TRIM67: variants seen among roughly 807,000 people sequenced by gnomAD.
TRIM67 encodes the protein tripartite motif containing 67, also known as tripartite motif-containing protein 67.
TRIM67 carries 39 observed loss-of-function variants against 71.0 expected under a neutral mutation model. That is an observed-to-expected ratio of 0.55 (90% confidence interval 0.43 to 0.72). TRIM67 has a LOEUF of 0.72. Ranked by LOEUF, TRIM67 falls within the 30% of genes least tolerant of loss-of-function variation. TRIM67 has a pLI of 0.00. For missense variants in TRIM67, 973 were observed against 1,079.2 expected, an observed-to-expected ratio of 0.90 and a Z score of 1.38; for synonymous variants, 481 against 473.9, an observed-to-expected ratio of 1.01 and a Z score of -0.19.
intron 1 of TRIM67, among the ~76,000 whole-genome samples, chr1:231,164,748 G>C (rs907397610): frequency 6.6e-6 from 1 of 152,136 alleles, no homozygotes; most frequent in Non-Finnish European, 1.5e-5. Flanking sequence ...TTTGAATTGA[G>C]GAGGAAAATA....
chr1:231,179,398 G>A (rs554914570), intron 1 of TRIM67, among the ~76,000 whole-genome samples: 1 of 152,330 alleles, frequency 6.6e-6, no homozygotes, highest in East Asian at 1.9e-4. Context: ...GGCCCTATTG[G>A]CAAACAAGAA....
intron 1 of TRIM67, chr1:231,185,181 C>G: frequency 6.5e-7 from 1 of 1,533,006 alleles, no homozygotes; most frequent in Non-Finnish European, 8.7e-7. Flanking sequence ...CCACGGCGTC[C>G]ATTCCTGCAC....
rs371492494 is a variant in TRIM67 at position 231,214,593 on chromosome 1, G to A, written c.2286+616G>A. On this transcript the variant is annotated intron_variant, in intron 9 of 9. Coordinates refer to ENST00000366653, the MANE Select transcript of TRIM67 (RefSeq NM_001004342.5). ...AGATCGAGACCATCCTGGCTAACAC[G>A]GTGAAACCCTGTCTCTACTAAAAAT... Among the ~76,000 whole-genome samples the A allele has an allele frequency of 4.6e-5, 7 of 151,768 alleles. No homozygotes were observed. In the East Asian group the frequency reaches 9.7e-4, roughly 21 times the overall value.
chr1:231,213,623 C>T (rs1018475415), intron 8 of TRIM67, among the ~76,000 whole-genome samples, 192 bp from the exon 9 acceptor site: 1 of 152,058 alleles, frequency 6.6e-6, no homozygotes, highest in Non-Finnish European at 1.5e-5. Context: ...CCCAGCTACT[C>T]GGGAGGCTGA....
chr1:231,205,619 T>G (rs1009599134), intron 6 of TRIM67, among the ~76,000 whole-genome samples: 1 of 151,132 alleles, frequency 6.6e-6, no homozygotes, highest in Non-Finnish European at 1.5e-5. Context: ...CCAGCTACTC[T>G]GGAGGCTGAG....
chr1:231,177,081 T>C lies in TRIM67; in HGVS notation c.1044+13068T>C, dbSNP rs531797659. ...TACTTTAAAAGAAGGCTGATTTTGG[T>C]CATTTAAATGGACAGGAGGGCTCAT... On this transcript the variant is annotated intron_variant, in intron 1 of 9. Coordinates refer to ENST00000366653, the MANE Select transcript of TRIM67 (RefSeq NM_001004342.5). Among the ~76,000 whole-genome samples the C allele has an allele frequency of 7.2e-5, 11 of 152,230 alleles. No individual in the cohort carries two copies. The South Asian group carries it at 1.0e-3, about 14-fold the overall frequency.
chr1:231,183,401 C>A (rs1682961948), intron 1 of TRIM67, among the ~76,000 whole-genome samples: 1 of 152,056 alleles, frequency 6.6e-6, no homozygotes, highest in Admixed American at 6.5e-5. Flanking sequence ...GAATTTGAGA[C>A]CAACCTGGGC....
intron 2 of TRIM67, among the ~76,000 whole-genome samples, chr1:231,197,910 G>T (rs1185577119): frequency 3.3e-5 from 5 of 152,164 alleles, no homozygotes; most frequent in Admixed American, 3.3e-4. Flanking sequence ...CTTGTAGCAA[G>T]CATTTTCTCA....
At chr1:231,180,269 G>A (rs539929319) in intron 1 of TRIM67, among the ~76,000 whole-genome samples, 2 of 152,136 alleles carry the variant, frequency 1.3e-5, no homozygotes, top group Non-Finnish European at 2.9e-5. Flanking sequence ...GAATATTTAG[G>A]CTGTTCACAA....
chr1:231,205,589 G>A (rs1683672357), intron 6 of TRIM67, among the ~76,000 whole-genome samples: 1 of 152,104 alleles, frequency 6.6e-6, no homozygotes, highest in South Asian at 2.1e-4. Flanking sequence ...ACCCGGGCAT[G>A]GTGGCGGATG....
Position 231,209,361 on chromosome 1 carries a change from G to T in TRIM67, c.2123+111G>T. On this transcript the variant is annotated intron_variant, in intron 8 of 9. Transcript: ENST00000366653. The surrounding 1 kb of genome is among the most constrained non-coding windows in gnomAD (Gnocchi z 4.1). ...CCAAAGCCAGGAGGAATTGAGAGGA[G>T]GTATTTTCAGCCACTTTGGTCTCCA... 8.0e-7 allele frequency: 1 copy of T among 1,252,668 alleles called. No individual in the cohort carries two copies. 77.6% of individuals were successfully genotyped at this position (1,252,668 alleles called of 1,614,324 possible).
Position 231,220,179 on chromosome 1 carries a change from G to C in TRIM67, c.*4739G>C, listed in dbSNP as rs1684108622. 1 of 368,818 alleles carries C rather than the reference G, an allele frequency of 2.7e-6. No individual in the cohort carries two copies. The highest frequency in any genetic ancestry group is 2.1e-5 in the African/African-American group (1 of 46,932). 22.8% of individuals were successfully genotyped at this position (368,818 alleles called of 1,614,324 possible). On this transcript the variant is annotated 3_prime_UTR_variant, in exon 10 of 10. Transcript: ENST00000366653. ...ACTCAAACCTGTGGGGGGCGTTCCA[G>C]TGTTCTCTGACCAGTGTCTTCCATC...
In TRIM67 at chr1:231,209,149, C is replaced by A. The variant is rs769669995; in HGVS notation, c.2022C>A (p.Ser674Arg). The A allele has an allele frequency of 2.2e-5, 36 of 1,613,582 alleles. No homozygotes were observed. The highest frequency in any genetic ancestry group is 3.0e-5 in the Non-Finnish European group (35 of 1,179,752). ...CCGCCTTCGGGGTGGCCAGGGCCAG[C>A]GTGGTCAAGGACATGATGCTGGGCA... ...PDPAFGVARASVVKDMMLGKD... is the reference protein window; with the variant it reads ...PDPAFGVARARVVKDMMLGKD... Residue 674 changes from serine (S) to arginine (R), a missense_variant, in exon 8 of 10, where the codon AGC (serine) becomes AGA (arginine). This residue lies in a region of TRIM67 where 178 missense variants were observed against 247.9 expected (regional missense o/e 0.72). Coordinates refer to ENST00000366653, the MANE Select transcript of TRIM67 (RefSeq NM_001004342.5). The surrounding 1 kb of genome is among the most constrained non-coding windows in gnomAD (Gnocchi z 4.1).
At chr1:231,192,079 C>G (rs1477750506) in intron 1 of TRIM67, among the ~76,000 whole-genome samples, 2 of 152,132 alleles carry the variant, frequency 1.3e-5, no homozygotes, top group Admixed American at 1.3e-4. Flanking sequence ...GAGGCTGAGG[C>G]AGGAGGATCG....
chr1:231,210,143 C>G (rs1683826935), intron 8 of TRIM67, among the ~76,000 whole-genome samples: 1 of 152,202 alleles, frequency 6.6e-6, no homozygotes, highest in Admixed American at 6.5e-5. Flanking sequence ...TTGCAGCCAC[C>G]TGAAGCCACC....
chr1:231,182,409 A>T lies in TRIM67; in HGVS notation c.1045-14962A>T, dbSNP rs959628391. Among the ~76,000 whole-genome samples, 21 of 150,544 alleles carry T rather than the reference A, an allele frequency of 1.4e-4. No individual in the cohort carries two copies. In the East Asian group the frequency reaches 1.6e-3, roughly 11 times the overall value. ...AGACCCTGTCCTAAAAAACAAATTTAAAAAAAAAATAGTAAATACACGATT... is the reference window on the plus strand; with the variant it reads ...AGACCCTGTCCTAAAAAACAAATTTTAAAAAAAAATAGTAAATACACGATT... On this transcript the variant is annotated intron_variant, in intron 1 of 9. Transcript: ENST00000366653.
intron 1 of TRIM67, among the ~76,000 whole-genome samples, chr1:231,192,035 A>G (rs6656864): frequency 0.25 from 38,333 of 152,058 alleles, 6,397 homozygotes; most frequent in African/African-American, 0.47. Context: ...AGAGCCAGGC[A>G]AGGTGGCTCA....
chr1:231,201,323 A>G, intron 4 of TRIM67, 35 bp from the exon 5 acceptor site: 1 of 1,590,208 alleles, frequency 6.3e-7, no homozygotes, highest in Non-Finnish European at 8.6e-7. Flanking sequence ...TTTCCTTTGC[A>G]AAGCAAAACC....
At chr1:231,200,047 C>T in intron 3 of TRIM67, 101 bp from the exon 4 acceptor site, 1 of 861,532 alleles carries the variant, frequency 1.2e-6, no homozygotes, top group Non-Finnish European at 1.9e-6. Context: ...GCCAGCGCCG[C>T]CTCTTCCAGG....
Sources: gnomAD v4.1 joint callset for allele counts (sites outside exome capture counted in the v4.1 genomes callset) on GRCh38, gnomAD v4.1.1 for gene constraint, gnomAD v4.1.1 regional missense constraint, Gnocchi (gnomAD v3.1) non-coding constraint, MANE v1.5 for transcripts, NCBI Gene and HGNC (gene_info 2026-07-23, HGNC 2026-07-21) for gene names.